MGMT: variants seen among roughly 807,000 people sequenced by gnomAD.
The protein encoded by MGMT is methylated-DNA--protein-cysteine methyltransferase.
Under a neutral mutation model 15.9 loss-of-function variants are expected in MGMT, and 14 were observed. That is an observed-to-expected ratio of 0.88 (90% CI 0.58 to 1.37). MGMT has a LOEUF of 1.37. Among genes scored for constraint, MGMT ranks in the 40% most tolerant of loss-of-function variants. The pLI is 0.00. For synonymous variants in MGMT, 130 were observed against 118.2 expected (o/e 1.10, Z -0.65); for missense variants, 282 against 268.1 (o/e 1.05, Z -0.36).
In MGMT at chr10:129,573,497, T is replaced by C. The variant is rs1846443551; in HGVS notation, c.125+37120T>C. Among the ~76,000 whole-genome samples the C allele has an allele frequency of 2.6e-5, 4 of 152,212 alleles. No individual in the cohort carries two copies. The South Asian group carries it at 8.3e-4, about 32-fold the overall frequency. On this transcript the variant is annotated intron_variant, in intron 2 of 4. Transcript: ENST00000651593. ...TATGAGGTGCTTACACAAAGGCCTTTTTAACCTTAAGATTTTTTTTTTGTT... is the reference window on the plus strand; with the variant it reads ...TATGAGGTGCTTACACAAAGGCCTTCTTAACCTTAAGATTTTTTTTTTGTT...
chr10:129,501,148 G>A lies in MGMT; in HGVS notation c.-13+33852G>A, dbSNP rs774670115. 2.3e-3 allele frequency among the ~76,000 whole-genome samples: 348 copies of A among 152,302 alleles called. 4 individuals are homozygous for A. Among genetic ancestry groups the A allele is most frequent in the Non-Finnish European group, 3.2e-3 (219 of 68,026 alleles). On this transcript the variant is annotated intron_variant, in intron 1 of 4. Transcript: ENST00000651593. ...GCTCTTAGCCAGTAGCAGCTGTCCTGGGCAGAGTTCCCTCAGTGAACCTGG... is the reference window on the plus strand; with the variant it reads ...GCTCTTAGCCAGTAGCAGCTGTCCTAGGCAGAGTTCCCTCAGTGAACCTGG...
intron 3 of MGMT, among the ~76,000 whole-genome samples, chr10:129,750,730 G>C (rs1193600350): frequency 6.6e-6 from 1 of 152,018 alleles, no homozygotes; most frequent in Non-Finnish European, 1.5e-5. Flanking sequence ...ATTCTAGAAG[G>C]GTCCTGGAAC....
chr10:129,620,988 T>G (rs1847084571), intron 2 of MGMT, among the ~76,000 whole-genome samples: 1 of 152,192 alleles, frequency 6.6e-6, no homozygotes, highest in African/African-American at 2.4e-5. Context: ...TACTTTTTGT[T>G]AGAAATTCCA....
intron 3 of MGMT, among the ~76,000 whole-genome samples, chr10:129,728,046 G>A (rs904223101): frequency 1.3e-5 from 2 of 152,146 alleles, no homozygotes; most frequent in Admixed American, 6.5e-5. Context: ...GGGGGACAGT[G>A]AGGAGCTACT....
chr10:129,593,568 T>G (rs1846715166), intron 2 of MGMT, among the ~76,000 whole-genome samples: 1 of 152,228 alleles, frequency 6.6e-6, no homozygotes, highest in South Asian at 2.1e-4. Context: ...TCATATCACG[T>G]CCCCTTCTGA....
At chr10:129,705,255 G>A (rs952461286) in intron 2 of MGMT, among the ~76,000 whole-genome samples, 8 of 152,186 alleles carry the variant, frequency 5.3e-5, no homozygotes, top group Non-Finnish European at 1.0e-4. Context: ...CAGCTTTGCC[G>A]TTTTTAATTG....
intron 1 of MGMT, 194 bp downstream of exon 1, chr10:129,467,490 G>A (rs1845181912): frequency 2.1e-6 from 2 of 933,876 alleles, no homozygotes; most frequent in Non-Finnish European, 2.6e-6. Flanking sequence ...CCCCGGGCCT[G>A]GGGTTCCTGG....
At chr10:129,740,179 G>A (rs1275364857) in intron 3 of MGMT, among the ~76,000 whole-genome samples, 2 of 152,218 alleles carry the variant, frequency 1.3e-5, no homozygotes, top group Non-Finnish European at 2.9e-5. Flanking sequence ...TGTTTCTGAG[G>A]CTAACATGCA....
At chr10:129,560,001 T>G (rs138907093) in intron 2 of MGMT, among the ~76,000 whole-genome samples, 4 of 152,272 alleles carry the variant, frequency 2.6e-5, no homozygotes, top group African/African-American at 9.6e-5. Context: ...CCCATCGTAT[T>G]CATTTAACTC....
chr10:129,750,175 T>C (rs1848737278), intron 3 of MGMT, among the ~76,000 whole-genome samples: 1 of 152,152 alleles, frequency 6.6e-6, no homozygotes. Context: ...ATCTAAAAAC[T>C]CTTCTCCCAA....
intron 3 of MGMT, among the ~76,000 whole-genome samples, chr10:129,738,382 G>C (rs533623125): frequency 2.8e-4 from 42 of 152,352 alleles, no homozygotes; most frequent in Non-Finnish European, 4.6e-4. Flanking sequence ...TTGCGCTTCC[G>C]GAGTGAGGCA....
intron 1 of MGMT, among the ~76,000 whole-genome samples, chr10:129,529,090 C>T (rs955717342): frequency 1.3e-5 from 2 of 151,858 alleles, no homozygotes; most frequent in Non-Finnish European, 2.9e-5. Context: ...ATGACAGTGG[C>T]CACTGTGCAG....
intron 1 of MGMT, among the ~76,000 whole-genome samples, chr10:129,535,505 G>A (rs146858740): frequency 1.8e-4 from 27 of 152,218 alleles, no homozygotes; most frequent in African/African-American, 6.0e-4. Flanking sequence ...CTACAGGTGT[G>A]TGCTATCATA....
intron 2 of MGMT, among the ~76,000 whole-genome samples, chr10:129,643,272 C>T (rs972654898): frequency 3.3e-5 from 5 of 152,088 alleles, no homozygotes; most frequent in Non-Finnish European, 5.9e-5. Flanking sequence ...TAGAGATCTA[C>T]AAGAGAATAG....
At chr10:129,479,895 T>C (rs1278695095) in intron 1 of MGMT, among the ~76,000 whole-genome samples, 1 of 152,086 alleles carries the variant, frequency 6.6e-6, no homozygotes, top group Non-Finnish European at 1.5e-5. Context: ...TTATGAGGGA[T>C]CCCAAAGAGA....
chr10:129,711,834 C>G (rs1171841672), intron 3 of MGMT, among the ~76,000 whole-genome samples: 1 of 152,088 alleles, frequency 6.6e-6, no homozygotes, highest in Non-Finnish European at 1.5e-5. Context: ...TCAAGAAATA[C>G]TTATTTAATG....
intron 3 of MGMT, among the ~76,000 whole-genome samples, chr10:129,723,302 T>C (rs1441356527): frequency 2.0e-5 from 3 of 152,122 alleles, no homozygotes; most frequent in Admixed American, 2.0e-4. Context: ...GTCCCCAAAG[T>C]CTATTGTGTC....
In MGMT at chr10:129,556,535, C is replaced by T. The variant is rs560841554; in HGVS notation, c.125+20158C>T. Among the ~76,000 whole-genome samples the T allele has an allele frequency of 3.1e-4, 47 of 152,244 alleles. No individual in the cohort carries two copies. Among genetic ancestry groups the T allele is most frequent in the African/African-American group, 8.2e-4 (34 of 41,552 alleles). ...CAGGGCTTCGTCAGGGCAGCCCTGG[C>T]GGAAGAACGCAGCCTCGTCGGTGGG... On this transcript the variant is annotated intron_variant, in intron 2 of 4. Coordinates refer to ENST00000651593, the MANE Select transcript of MGMT (RefSeq NM_002412.5). The surrounding 1 kb of genome is among the most constrained non-coding windows in gnomAD (Gnocchi z 4.3).
chr10:129,765,572 G>C (rs1400378414), intron 4 of MGMT, among the ~76,000 whole-genome samples: 2 of 152,178 alleles, frequency 1.3e-5, no homozygotes, highest in Non-Finnish European at 2.9e-5. Context: ...AGGGGGTGGG[G>C]GGCCAGTGGC....
Sources: gnomAD v4.1 joint callset for allele counts (sites outside exome capture counted in the v4.1 genomes callset) on GRCh38, gnomAD v4.1.1 for gene constraint, Gnocchi (gnomAD v3.1) non-coding constraint, MANE v1.5 for transcripts, NCBI Gene and HGNC (gene_info 2026-07-23, HGNC 2026-07-21) for gene names.